PSD3: variants seen among roughly 807,000 people sequenced by gnomAD.
PSD3 encodes the protein pleckstrin and Sec7 domain containing 3.
Under a neutral mutation model 105.5 loss-of-function variants are expected in PSD3, and 49 were observed. The observed-to-expected ratio is 0.46, with a 90% CI of 0.37 to 0.59. PSD3 has a LOEUF of 0.59. PSD3 is among the 20% of genes least tolerant of loss of function. The pLI is 0.00. For synonymous variants in PSD3, 557 were observed against 457.8 expected (o/e 1.22, Z -2.77); for missense variants, 1,561 against 1,263.8 (o/e 1.24, Z -3.57).
At chr8:18,661,932 G>C (rs1029718374) in intron 9 of PSD3, among the ~76,000 whole-genome samples, 3 of 152,064 alleles carry the variant, frequency 2.0e-5, no homozygotes. Context: ...ATATTCATAA[G>C]CAACCTGGTC....
upstream of PSD3, among the ~76,000 whole-genome samples, chr8:19,015,015 G>A (rs1347468223): frequency 6.6e-6 from 1 of 152,166 alleles, no homozygotes; most frequent in Non-Finnish European, 1.5e-5. Context: ...AAGCACCCCA[G>A]TCACTTGGGC....
chr8:18,578,675 G>A (rs568292674), intron 12 of PSD3, among the ~76,000 whole-genome samples: 1 of 151,362 alleles, frequency 6.6e-6, no homozygotes, highest in African/African-American at 2.4e-5. Context: ...ATTATCTGCT[G>A]ATATCTTCAT....
intron 1 of PSD3, among the ~76,000 whole-genome samples, chr8:19,000,416 A>AG (rs1563499051): frequency 2.7e-5 from 4 of 149,020 alleles, no homozygotes; most frequent in South Asian, 2.2e-4. Flanking sequence ...AAAGAGAGAG[A>AG]AAAAAAACCT....
chr8:18,912,353 C>G (rs1448704800), intron 2 of PSD3, among the ~76,000 whole-genome samples: 1 of 152,094 alleles, frequency 6.6e-6, no homozygotes, highest in African/African-American at 2.4e-5. Context: ...CAATGTTAAC[C>G]GCTACTGAAA....
chr8:19,013,746 G>T (rs1470976964), upstream of PSD3: 2 of 435,396 alleles, frequency 4.6e-6, no homozygotes, highest in African/African-American at 2.1e-5. Context: ...GGCTGGCGAG[G>T]CTGCGAGCCC....
chr8:18,929,907 G>A (rs1268777769), intron 2 of PSD3, among the ~76,000 whole-genome samples: 1 of 152,096 alleles, frequency 6.6e-6, no homozygotes, highest in Non-Finnish European at 1.5e-5. Context: ...AGTGACCAGA[G>A]AATGGGAAAG....
intron 9 of PSD3, among the ~76,000 whole-genome samples, chr8:18,681,208 G>C (rs1800367862): frequency 6.6e-6 from 1 of 152,074 alleles, no homozygotes; most frequent in Non-Finnish European, 1.5e-5. Context: ...TGACATGAGA[G>C]GGTGGAGAGA....
At chr8:18,666,789 AAC>A (rs1369179572) in intron 9 of PSD3, among the ~76,000 whole-genome samples, 12 of 152,020 alleles carry the variant, frequency 7.9e-5, no homozygotes, top group African/African-American at 2.4e-4. Context: ...CAAGTATGTC[AAC>A]AGAGAGAGCA....
At chr8:18,954,008 G>C (rs1231259840) in intron 1 of PSD3, among the ~76,000 whole-genome samples, 1 of 151,994 alleles carries the variant, frequency 6.6e-6, no homozygotes, top group Non-Finnish European at 1.5e-5. Flanking sequence ...AGTGACACAG[G>C]GCTCTGAGCA....
At chr8:18,948,059 C>A (rs1822978289) in intron 1 of PSD3, among the ~76,000 whole-genome samples, 2 of 152,152 alleles carry the variant, frequency 1.3e-5, no homozygotes, top group South Asian at 4.1e-4. Context: ...CCTTTGCCAC[C>A]ATCTCATAAT....
intron 9 of PSD3, among the ~76,000 whole-genome samples, chr8:18,740,257 C>G (rs1265504727): frequency 6.6e-6 from 1 of 152,184 alleles, no homozygotes; most frequent in Non-Finnish European, 1.5e-5. Flanking sequence ...GTTAACTCAG[C>G]CTGGATCGCC....
At chr8:18,622,981 T>C (rs985983448) in intron 11 of PSD3, among the ~76,000 whole-genome samples, 5 of 152,206 alleles carry the variant, frequency 3.3e-5, no homozygotes, top group South Asian at 4.1e-4. Context: ...ATTACTATGG[T>C]AAGATTTTAA....
intron 15 of PSD3, among the ~76,000 whole-genome samples, chr8:18,543,279 G>A (rs950630191): frequency 4.6e-5 from 7 of 151,836 alleles, no homozygotes; most frequent in African/African-American, 1.7e-4. Flanking sequence ...TTTTTTTGCT[G>A]TATTTCTTTA....
At chr8:18,689,550 T>C (rs1240760285) in intron 9 of PSD3, among the ~76,000 whole-genome samples, 2 of 152,164 alleles carry the variant, frequency 1.3e-5, no homozygotes, top group East Asian at 3.9e-4. Context: ...AGGCATGAGG[T>C]GTCAAGAGGA....
intron 14 of PSD3, among the ~76,000 whole-genome samples, chr8:18,566,985 A>G (rs1240299765): frequency 6.6e-6 from 1 of 152,216 alleles, no homozygotes; most frequent in Non-Finnish European, 1.5e-5. Context: ...CATATCACTT[A>G]CTAGTATACA....
intron 11 of PSD3, among the ~76,000 whole-genome samples, chr8:18,612,277 T>C (rs951463743): frequency 6.6e-6 from 1 of 152,236 alleles, no homozygotes; most frequent in Non-Finnish European, 1.5e-5. Flanking sequence ...AATTGGATTC[T>C]GATGCTTTCA....
intron 9 of PSD3, among the ~76,000 whole-genome samples, chr8:18,688,783 G>C (rs963319837): frequency 5.3e-5 from 8 of 152,074 alleles, no homozygotes; most frequent in Admixed American, 3.3e-4. Context: ...GCCCCATCTG[G>C]CTCTGAGGCC....
In PSD3 at chr8:18,596,938, T is replaced by C. The variant is rs78841473; in HGVS notation, c.2481+3426A>G. 3.1e-3 allele frequency among the ~76,000 whole-genome samples: 477 copies of C among 152,202 alleles called. 4 individuals are homozygous for C. Among genetic ancestry groups the C allele is most frequent in the African/African-American group, 0.011 (449 of 41,538 alleles). ...TCATTCTCAAACTGTTCCAAAAAATTGAAGAGGAGGGAACACTTCCAAACT... is the reference window on the plus strand; with the variant it reads ...TCATTCTCAAACTGTTCCAAAAAATCGAAGAGGAGGGAACACTTCCAAACT... On this transcript the variant is annotated intron_variant, in intron 12 of 15. Coordinates refer to ENST00000327040, the MANE Select transcript of PSD3 (RefSeq NM_015310.4).
intron 2 of PSD3, among the ~76,000 whole-genome samples, chr8:18,932,408 G>C (rs334751): frequency 7.9e-5 from 12 of 152,258 alleles, no homozygotes; most frequent in African/African-American, 2.9e-4. Context: ...ACTCTAAAAA[G>C]CAAGTTTAGG....
Sources: gnomAD v4.1 joint callset for allele counts (sites outside exome capture counted in the v4.1 genomes callset) on GRCh38, gnomAD v4.1.1 for gene constraint, MANE v1.5 for transcripts, NCBI Gene and HGNC (gene_info 2026-07-23, HGNC 2026-07-21) for gene names.